RGS6: variants seen among roughly 807,000 people sequenced by gnomAD.
The protein encoded by RGS6 is regulator of G-protein signaling 6.
In RGS6, 30 loss-of-function variants were observed where a neutral mutation model predicts 78.5. The observed-to-expected ratio is 0.38, with a 90% confidence interval of 0.29 to 0.52. The LOEUF is 0.52. RGS6 is among the 20% of genes least tolerant of loss of function. The probability of loss-of-function intolerance (pLI) is 0.85; values close to 1 mark genes in which losing one functional copy is unlikely to be tolerated. For missense variants in RGS6, 495 were observed against 609.7 expected, an observed-to-expected ratio of 0.81 and a Z score of 1.98; for synonymous variants, 206 against 206.0, an observed-to-expected ratio of 1.00 and a Z score of 0.00.
chr14:72,519,613 CT>C (rs1244344190), intron 15 of RGS6, among the ~76,000 whole-genome samples: 7 of 152,338 alleles, frequency 4.6e-5, no homozygotes, highest in Admixed American at 2.0e-4. Context: ...TTCTCTCCCC[CT>C]GGTCACGAGC....
intron 2 of RGS6, among the ~76,000 whole-genome samples, chr14:72,107,401 G>T (rs1014338510): frequency 6.6e-6 from 1 of 152,086 alleles, no homozygotes; most frequent in Admixed American, 6.5e-5. Flanking sequence ...AGCACTATTT[G>T]ATTCCTTCCT....
At chr14:72,409,555 A>AT (rs79864338) in intron 3 of RGS6, among the ~76,000 whole-genome samples, 1 of 150,604 alleles carries the variant, frequency 6.6e-6, no homozygotes, top group Admixed American at 6.6e-5. Context: ...GCAACTGCCT[A>AT]TTTTTTTTTA....
At position 72,250,565 on chromosome 14, in the gene RGS6, T is replaced by C. The variant is rs2055483630; in HGVS notation, c.85-101530T>C. Among the ~76,000 whole-genome samples, 9 of 152,032 alleles carry C rather than the reference T, an allele frequency of 5.9e-5. 1 individual carries two copies. The South Asian group carries it at 1.9e-3, about 32-fold the overall frequency. On this transcript the variant is annotated intron_variant, in intron 2 of 17. Transcript: ENST00000553525. ...TCAAAATTAGCCTGTCTCATTTATT[T>C]GGCCTTGGAGAATAATAGTCATTGA...
rs537490812 is a variant in RGS6, at chr14:72,408,333, T to C, written c.185-46195T>C. Among the ~76,000 whole-genome samples, 4 of 152,322 alleles carry C rather than the reference T, an allele frequency of 2.6e-5. No individual in the cohort carries two copies. The South Asian group carries it at 8.3e-4, about 32-fold the overall frequency. On this transcript the variant is annotated intron_variant, in intron 3 of 17. Coordinates refer to ENST00000553525, the MANE Select transcript of RGS6 (RefSeq NM_001204424.2). ...TTTTGATGATAACTTAAAAATTTTT[T>C]ATGATAATCTTTTCATTGTTTAGTA... is the stretch of plus-strand genomic sequence containing the variant.
At chr14:72,161,955 T>G (rs1011842475) in intron 2 of RGS6, among the ~76,000 whole-genome samples, 3 of 152,254 alleles carry the variant, frequency 2.0e-5, no homozygotes, top group Admixed American at 1.3e-4. Context: ...TCAAATCATT[T>G]CATCTCTTCT....
intron 3 of RGS6, among the ~76,000 whole-genome samples, chr14:72,437,340 CAAAAAAAA>C (rs57302818): frequency 3.7e-5 from 3 of 80,950 alleles, no homozygotes; most frequent in Non-Finnish European, 5.1e-5. Flanking sequence ...GACTCCATCT[CAAAAAAAA>C]AAAAAAAAAA....
the RGS6 span, among the ~76,000 whole-genome samples, chr14:72,602,325 G>A: frequency 1.4e-4 from 22 of 152,320 alleles, no homozygotes; most frequent in East Asian, 4.2e-3. Flanking sequence ...AGGATGGTAG[G>A]AGAAGGATGA....
rs78057636 is a variant in RGS6 at position 72,519,045 on chromosome 14, C to A, written c.1278+508C>A. Among the ~76,000 whole-genome samples the A allele has an allele frequency of 2.7e-4, 41 of 152,312 alleles. No individual in the cohort carries two copies. In the East Asian group the frequency reaches 6.6e-3, roughly 24 times the overall value. On this transcript the variant is annotated intron_variant, in intron 15 of 17. Coordinates refer to ENST00000553525, the MANE Select transcript of RGS6 (RefSeq NM_001204424.2). ...GTGATAAGATACCACAAAGAACAGG[C>A]AAAACCCCTGTTCTCACCGAGGTTG...
At chr14:71,929,040 GA>G (rs1354089380), upstream of RGS6, among the ~76,000 whole-genome samples, 1 of 152,138 alleles carries the variant, frequency 6.6e-6, no homozygotes, top group Non-Finnish European at 1.5e-5. Context: ...ATAATTCAAA[GA>G]GCTCCCTTTC....
chr14:72,093,953 A>G (rs568888930), intron 2 of RGS6, among the ~76,000 whole-genome samples: 1 of 152,338 alleles, frequency 6.6e-6, no homozygotes, highest in South Asian at 2.1e-4. Flanking sequence ...TTTACAATCT[A>G]ATTGGGAAAA....
chr14:72,116,845 T>A (rs1270108652), intron 2 of RGS6, among the ~76,000 whole-genome samples: 1 of 150,896 alleles, frequency 6.6e-6, no homozygotes, highest in Non-Finnish European at 1.5e-5. Context: ...GCACCTGTCA[T>A]CCCAGCTACT....
At chr14:72,301,380 C>T (rs72721884) in intron 2 of RGS6, among the ~76,000 whole-genome samples, 16,815 of 151,712 alleles carry the variant, frequency 0.11, 1,282 homozygotes, top group Non-Finnish European at 0.16. Context: ...TTCAAAGCAA[C>T]GTATCATCAG....
At chr14:72,288,265 G>T (rs1187941943) in intron 2 of RGS6, among the ~76,000 whole-genome samples, 1 of 152,116 alleles carries the variant, frequency 6.6e-6, no homozygotes, top group East Asian at 1.9e-4. Flanking sequence ...CCCTCAAAAG[G>T]TACTAGAAAA....
intron 2 of RGS6, among the ~76,000 whole-genome samples, chr14:72,216,604 G>T (rs994217052): frequency 6.6e-6 from 1 of 152,166 alleles, no homozygotes; most frequent in African/African-American, 2.4e-5. Flanking sequence ...ACATCTAATT[G>T]CAGGTCTTAC....
In RGS6 at chr14:72,429,850, C is replaced by T. The variant is rs189728772; in HGVS notation, c.185-24678C>T. 9.1e-4 allele frequency among the ~76,000 whole-genome samples: 138 copies of T among 152,256 alleles called. 2 individuals are homozygous for T. Among genetic ancestry groups the T allele is most frequent in the Admixed American group, 2.9e-3 (44 of 15,288 alleles). On this transcript the variant is annotated intron_variant, in intron 3 of 17. Coordinates refer to ENST00000553525, the MANE Select transcript of RGS6 (RefSeq NM_001204424.2). Reference sequence around the variant, plus strand: ...CCAGGAGGTAACTGAATCATGGGAGCGGTTTCCTCCATGCTGTTCTCATGA... The same window carrying T: ...CCAGGAGGTAACTGAATCATGGGAGTGGTTTCCTCCATGCTGTTCTCATGA...
chr14:71,925,880 C>T, the RGS6 span, among the ~76,000 whole-genome samples: 1 of 151,700 alleles, frequency 6.6e-6, no homozygotes, highest in African/African-American at 2.4e-5. Flanking sequence ...GATGATCTAT[C>T]AAAAATAAAT....
chr14:72,268,518 C>T (rs1254440396), intron 2 of RGS6, among the ~76,000 whole-genome samples: 1 of 152,244 alleles, frequency 6.6e-6, no homozygotes, highest in Non-Finnish European at 1.5e-5. Flanking sequence ...CTCCCTCTCT[C>T]CTTTACAAAT....
chr14:72,330,022 T>C (rs532857786), intron 2 of RGS6, among the ~76,000 whole-genome samples: 70 of 152,360 alleles, frequency 4.6e-4, no homozygotes, highest in African/African-American at 1.6e-3. Context: ...ATCATGTCCA[T>C]TTTTGTGTTC....
intron 2 of RGS6, among the ~76,000 whole-genome samples, chr14:72,339,670 G>A (rs2076633827): frequency 1.3e-5 from 2 of 152,106 alleles, no homozygotes; most frequent in African/African-American, 4.8e-5. Context: ...TGAGATGATG[G>A]TCTCTGGGCA....
Sources: allele counts gnomAD v4.1 joint callset (sites outside exome capture counted in the v4.1 genomes callset), GRCh38; gene constraint gnomAD v4.1.1; transcripts MANE v1.5; gene names NCBI Gene and HGNC (gene_info 2026-07-23, HGNC 2026-07-21).